BCCIP: variants seen among roughly 807,000 people sequenced by gnomAD.
BCCIP encodes the protein BRCA2 and CDKN1A-interacting protein.
BCCIP carries 23 observed loss-of-function variants against 32.8 expected under a neutral mutation model. The observed-to-expected ratio is 0.70, with a 90% confidence interval of 0.51 to 0.99. The LOEUF (loss-of-function observed/expected upper bound fraction) is 0.99. Among genes scored for constraint, BCCIP ranks in the 50% least tolerant of loss-of-function variants. BCCIP has a pLI of 0.00. For missense variants in BCCIP, 378 were observed against 379.8 expected, an observed-to-expected ratio of 1.00 and a Z score of 0.04; for synonymous variants, 144 against 137.6, an observed-to-expected ratio of 1.05 and a Z score of -0.33.
intron 5 of BCCIP, 36 bp downstream of exon 5, chr10:125,831,643 T>G: frequency 6.6e-7 from 1 of 1,525,454 alleles, no homozygotes; most frequent in Non-Finnish European, 8.9e-7. Flanking sequence ...TGAACAGTAA[T>G]TTTTTTTTCA....
At chr10:125,842,113 C>G in exon 7 of BCCIP, 1 of 801,648 alleles carries the variant, frequency 1.2e-6, no homozygotes, top group Non-Finnish European at 1.8e-6. Flanking sequence ...AGGGCAAACT[C>G]AGGAGGGGAG....
chr10:125,837,006 T>C (rs1411303639), downstream of BCCIP: 5 of 677,262 alleles, frequency 7.4e-6, no homozygotes, highest in Non-Finnish European at 1.2e-5. Flanking sequence ...TCCGACTTTG[T>C]AAAATAAATA....
intron 2 of BCCIP, among the ~76,000 whole-genome samples, chr10:125,827,136 T>A (rs935233864): frequency 6.6e-6 from 1 of 152,156 alleles, no homozygotes; most frequent in Non-Finnish European, 1.5e-5. Flanking sequence ...TTTTGTTTTT[T>A]TTTTTAATTC....
chr10:125,853,408 A>G (rs1006577188), exon 8 of BCCIP: 11 of 368,644 alleles, frequency 3.0e-5, no homozygotes, highest in African/African-American at 2.1e-4. Flanking sequence ...CCTTGTTTTC[A>G]TTTTTTCTAA....
At chr10:125,850,739 C>A (rs1944080484) in intron 7 of BCCIP, among the ~76,000 whole-genome samples, 1 of 152,204 alleles carries the variant, frequency 6.6e-6, no homozygotes, top group Non-Finnish European at 1.5e-5. Flanking sequence ...TTTGGGTTCA[C>A]TTTTCTTTTC....
rs746755352 is a variant in BCCIP at position 125,831,455 on chromosome 10, T to A, written c.447T>A (p.Val149=). 1.9e-6 allele frequency: 3 copies of A among 1,614,160 alleles called. No individual in the cohort carries two copies. The highest frequency in any genetic ancestry group is 1.7e-6 in the Non-Finnish European group (2 of 1,180,010). ...GTGTTGAACAAATTCAAGAGTTGGT[T>A]CTACGCTTCTGTGAGAAGAACTGTG... ...TQCVEQIQEL[V]LRFCEKNCEK... Residue 149 remains valine (V), a synonymous_variant, in exon 5 of 7, where the codon GTT becomes GTA. Transcript: ENST00000278100.
rs778360218 is a variant in BCCIP at position 125,831,428 on chromosome 10, G to C, written c.420G>C (p.Gln140His). 3.1e-6 allele frequency: 5 copies of C among 1,613,526 alleles called. No homozygotes were observed. In the African/African-American group the frequency reaches 6.7e-5, roughly 22 times the overall value. ...LLNLTERKGT[Q>H]CVEQIQELVL... is the part of the protein sequence containing the mutation. Reference sequence around the variant, plus strand: ...TTCTCTTTGCTTTCTAGGGTACCCAGTGTGTTGAACAAATTCAAGAGTTGG... The same window carrying C: ...TTCTCTTTGCTTTCTAGGGTACCCACTGTGTTGAACAAATTCAAGAGTTGG... The change falls in exon 5 of 7, where the codon CAG becomes CAC. Residue 140 changes from glutamine (Q) to histidine (H), a missense_variant. Coordinates refer to ENST00000278100, the MANE Select transcript of BCCIP (RefSeq NM_078468.3).
downstream of BCCIP, chr10:125,838,292 C>T: frequency 1.2e-6 from 2 of 1,613,984 alleles, no homozygotes; most frequent in Non-Finnish European, 1.7e-6. Context: ...CTGGCATCTT[C>T]TTGGTGATTG....
At chr10:125,829,510 T>C (rs954369594) in intron 3 of BCCIP, among the ~76,000 whole-genome samples, 1 of 152,246 alleles carries the variant, frequency 6.6e-6, no homozygotes, top group Admixed American at 6.5e-5. Context: ...CTATTCATTC[T>C]TCAGACACTC....
At chr10:125,851,920 C>CAAAAA (rs56380138) in intron 7 of BCCIP, among the ~76,000 whole-genome samples, 55 of 86,492 alleles carry the variant, frequency 6.4e-4, no homozygotes, top group South Asian at 8.5e-4. Context: ...GACCCTGTCT[C>CAAAAA]AAAAAAAAAA....
At position 125,831,421 on chromosome 10, in the gene BCCIP, G is replaced by A. The variant is rs756437566; in HGVS notation, c.413G>A (p.Gly138Asp). 6.2e-7 allele frequency: 1 copy of A among 1,612,782 alleles called. No individual in the cohort carries two copies. Among genetic ancestry groups the A allele is most frequent in the Non-Finnish European group, 8.5e-7 (1 of 1,179,064 alleles). ...ACAAGCTTTCTCTTTGCTTTCTAGG[G>A]TACCCAGTGTGTTGAACAAATTCAA... Reference protein sequence around the residue: ...ISLLNLTERKGTQCVEQIQEL... With the variant: ...ISLLNLTERKDTQCVEQIQEL... The change falls in exon 5 of 7, where the codon GGT becomes GAT. Residue 138 changes from glycine (G) to aspartate (D), a missense_variant and splice_region_variant. Coordinates refer to ENST00000278100, the MANE Select transcript of BCCIP (RefSeq NM_078468.3).
At chr10:125,842,303 C>T (rs968670319) in exon 7 of BCCIP, 13 of 194,912 alleles carry the variant, frequency 6.7e-5, no homozygotes, top group Non-Finnish European at 9.2e-5. Context: ...AGATCTAAGT[C>T]GGGGGCCAGA....
At chr10:125,828,572 G>C (rs143884610) in intron 3 of BCCIP, among the ~76,000 whole-genome samples, 326 of 152,326 alleles carry the variant, frequency 2.1e-3, no homozygotes, top group Non-Finnish European at 3.5e-3. Flanking sequence ...TTTGAAGGAG[G>C]AGGGGATGGT....
rs763956841 is a variant in BCCIP at position 125,836,199 on chromosome 10, G to A, written c.870G>A (p.Leu290=). The A allele has an allele frequency of 1.2e-6, 2 of 1,614,098 alleles. No individual in the cohort carries two copies. The highest frequency in any genetic ancestry group is 1.7e-6 in the Non-Finnish European group (2 of 1,180,040). The change falls in exon 7 of 7, where the codon TTG becomes TTA. Residue 290 remains leucine (L), a synonymous_variant. Coordinates refer to ENST00000278100, the MANE Select transcript of BCCIP (RefSeq NM_078468.3). ...WSFDDVPMTP[L]RTVMLIPGDK... ...TTGATGACGTACCAATGACGCCCTTGCGAACTGTGATGTTAATTCCAGGCG... is the reference window on the plus strand; with the variant it reads ...TTGATGACGTACCAATGACGCCCTTACGAACTGTGATGTTAATTCCAGGCG...
chr10:125,853,063 G>A, intron 7 of BCCIP: 3 of 1,222,960 alleles, frequency 2.5e-6, no homozygotes, highest in Non-Finnish European at 3.5e-6. Flanking sequence ...CATACTGAGA[G>A]TTCCAATCAT....
At chr10:125,835,067 A>G (rs1396740631) in intron 6 of BCCIP, among the ~76,000 whole-genome samples, 1 of 151,334 alleles carries the variant, frequency 6.6e-6, no homozygotes, top group Non-Finnish European at 1.5e-5. Context: ...CGGGAGGCGG[A>G]GCTTGCAGTG....
At chr10:125,837,815 C>T (rs1420355992), downstream of BCCIP, among the ~76,000 whole-genome samples, 1 of 152,204 alleles carries the variant, frequency 6.6e-6, no homozygotes, top group Non-Finnish European at 1.5e-5. Flanking sequence ...TAAAGCCTTA[C>T]ACCTTCTGGT....
exon 8 of BCCIP, chr10:125,853,358 G>C: frequency 1.8e-6 from 1 of 555,286 alleles, no homozygotes; most frequent in Non-Finnish European, 2.9e-6. Flanking sequence ...TCAAATGTTA[G>C]GATTTTCTGA....
chr10:125,838,613 C>G (rs980613788), downstream of BCCIP, among the ~76,000 whole-genome samples: 5 of 152,168 alleles, frequency 3.3e-5, no homozygotes, highest in African/African-American at 1.2e-4. Flanking sequence ...CAGGGCACTG[C>G]TAAAACAGTG....
Sources: gnomAD v4.1 joint callset for allele counts (sites outside exome capture counted in the v4.1 genomes callset) on GRCh38, gnomAD v4.1.1 for gene constraint, MANE v1.5 for transcripts, NCBI Gene and HGNC (gene_info 2026-07-23, HGNC 2026-07-21) for gene names.